The following PLEKHH1 variants were observed in gnomAD, a reference collection of about 807,000 sequenced individuals.
The protein encoded by PLEKHH1 is pleckstrin homology, MyTH4 and FERM domain containing H1.
In PLEKHH1, 104 loss-of-function variants were observed where a neutral mutation model predicts 160.0. That is an observed-to-expected ratio of 0.65 (90% confidence interval 0.55 to 0.76). PLEKHH1 has a LOEUF of 0.76. PLEKHH1 is among the 30% of genes least tolerant of loss of function. PLEKHH1 has a pLI of 0.00. For missense variants in PLEKHH1, 1,427 were observed against 1,724.1 expected (o/e 0.83, Z 3.05); for synonymous variants, 619 against 678.4 (o/e 0.91, Z 1.36).
intron 2 of PLEKHH1, among the ~76,000 whole-genome samples, chr14:67,548,391 G>A (rs2034261415): frequency 6.6e-6 from 1 of 152,118 alleles, no homozygotes. Flanking sequence ...AAAGGGCTTT[G>A]AGGGTATTAA....
At position 67,576,441 on chromosome 14, in the gene PLEKHH1, C is replaced by T; in HGVS notation, c.2399C>T (p.Ala800Val). Residue 800 changes from alanine to valine, a missense_variant, in exon 17 of 29, where the codon GCC (alanine) becomes GTC (valine). Ala to Val is a moderately conservative substitution (Grantham distance 64). Transcript: ENST00000329153. This position sits in a 1 kb window ranked among gnomAD's most constrained non-coding sequence, Gnocchi z 4.0. ...HLTVAAGGSS[A>V]KVGTAYEQLI... ...ACAGTGGCTGCAGGTGGCAGCAGTG[C>T]CAAGGTGGGCACTGCCTATGAGCAG... 1 of 1,611,194 alleles carries T rather than the reference C, an allele frequency of 6.2e-7. No individual in the cohort carries two copies. Among genetic ancestry groups the T allele is most frequent in the Non-Finnish European group, 8.5e-7 (1 of 1,177,402 alleles).
In PLEKHH1 at chr14:67,577,526, A is replaced by T. The variant is rs901663774; in HGVS notation, c.2574+112A>T. 5 of 705,636 alleles carry T rather than the reference A, an allele frequency of 7.1e-6. No individual in the cohort carries two copies. In the African/African-American group the frequency reaches 8.8e-5, roughly 12 times the overall value. The allele number at this position is 705,636 out of a possible 1,614,324, so 43.7% of individuals were successfully genotyped here. A position where few individuals can be genotyped will look rare whatever the true frequency, so the allele number is the denominator to read the frequency against. ...GAGGGATCTGGAGAGGAAGGGAAGG[A>T]AACTTCCCAGGGTCCCTATCACTTC... On this transcript the variant is annotated intron_variant, in intron 18 of 28. Transcript: ENST00000329153.
intron 23 of PLEKHH1, among the ~76,000 whole-genome samples, chr14:67,581,313 G>A (rs1424777016): frequency 2.0e-5 from 3 of 151,578 alleles, no homozygotes; most frequent in South Asian, 2.1e-4. Context: ...CATCTGCCAA[G>A]AAAACAGACC....
chr14:67,575,303 C>A, intron 14 of PLEKHH1, 89 bp from the exon 15 acceptor site: 1 of 744,802 alleles, frequency 1.3e-6, no homozygotes, highest in East Asian at 2.7e-5. Flanking sequence ...TAGGTCAAAT[C>A]TGTCTCCCTG....
At chr14:67,569,002 C>T in intron 7 of PLEKHH1, 136 bp from the exon 8 acceptor site, 1 of 601,690 alleles carries the variant, frequency 1.7e-6, no homozygotes, top group South Asian at 2.0e-5. Flanking sequence ...AAGTAACTTG[C>T]CCAAGATTTG....
intron 4 of PLEKHH1, 91 bp downstream of exon 4, chr14:67,557,509 T>C (rs2034643604): frequency 4.8e-6 from 6 of 1,244,890 alleles, no homozygotes; most frequent in Non-Finnish European, 6.8e-6. Flanking sequence ...TCAAGCCCTC[T>C]AGTGCTGGGG....
intron 1 of PLEKHH1, among the ~76,000 whole-genome samples, chr14:67,539,244 C>T (rs2033869136): frequency 6.6e-6 from 1 of 152,186 alleles, no homozygotes; most frequent in South Asian, 2.1e-4. Flanking sequence ...TTTGTCTTTT[C>T]AGCTGTGATC....
chr14:67,566,313 C>G (rs915020524), intron 7 of PLEKHH1, among the ~76,000 whole-genome samples: 4 of 152,094 alleles, frequency 2.6e-5, no homozygotes, highest in African/African-American at 9.7e-5. Flanking sequence ...GCTGCTGGCT[C>G]TCTTCTTGCT....
chr14:67,580,037 C>T (rs2035817726), intron 22 of PLEKHH1, 161 bp downstream of exon 22: 2 of 652,188 alleles, frequency 3.1e-6, no homozygotes, highest in Admixed American at 3.0e-5. Context: ...CTAAAATGTA[C>T]CTGGGCAGGG....
At chr14:67,543,290 T>C (rs1243666040) in intron 2 of PLEKHH1, among the ~76,000 whole-genome samples, 1 of 152,222 alleles carries the variant, frequency 6.6e-6, no homozygotes, top group Non-Finnish European at 1.5e-5. Flanking sequence ...GGCATCACCA[T>C]GGCTAAGGGG....
Position 67,575,479 on chromosome 14 carries a change from C to T in PLEKHH1, c.2169+7C>T, listed in dbSNP as rs761964680. On this transcript the variant is annotated splice_region_variant and intron_variant, in intron 15 of 28. Coordinates refer to ENST00000329153, the MANE Select transcript of PLEKHH1 (RefSeq NM_020715.3). ...TCGGAGCCATGAGGACAAGGTACTTCTCAGCCTCCTCACAATACCCACTCT... is the reference window on the plus strand; with the variant it reads ...TCGGAGCCATGAGGACAAGGTACTTTTCAGCCTCCTCACAATACCCACTCT... The T allele has an allele frequency of 3.2e-6, 5 of 1,556,666 alleles. No individual in the cohort carries two copies. In the East Asian group the frequency reaches 9.1e-5, roughly 28 times the overall value.
chr14:67,540,073 T>C (rs1441607602), intron 1 of PLEKHH1, among the ~76,000 whole-genome samples: 1 of 152,096 alleles, frequency 6.6e-6, no homozygotes, highest in Admixed American at 6.6e-5. Context: ...GCCATGTGGC[T>C]CCTGAGGAAG....
intron 7 of PLEKHH1, among the ~76,000 whole-genome samples, chr14:67,564,457 G>C (rs2034990234): frequency 6.6e-6 from 1 of 151,908 alleles, no homozygotes; most frequent in African/African-American, 2.4e-5. Context: ...GGGCACGTGA[G>C]ATCATTCTTT....
chr14:67,573,340 G>A lies in PLEKHH1; in HGVS notation c.1793G>A (p.Arg598His), dbSNP rs1163969484. ...AGCCAGGTGAAGACGTGGAAGAGGC[G>A]CTGGTTTGTCCTGAGACAGGGACAG... ...MGSQVKTWKR[R>H]WFVLRQGQIM... is the part of the protein sequence containing the mutation. Residue 598 changes from arginine to histidine, a missense_variant, in exon 12 of 29, where the codon CGC (arginine) becomes CAC (histidine). This residue lies in a region of PLEKHH1 where 831 missense variants were observed against 929.2 expected (regional missense o/e 0.89). Coordinates refer to ENST00000329153, the MANE Select transcript of PLEKHH1 (RefSeq NM_020715.3). The surrounding 1 kb of genome is among the most constrained non-coding windows in gnomAD (Gnocchi z 4.8). 9 of 1,613,640 alleles carry A rather than the reference G, an allele frequency of 5.6e-6. No individual in the cohort carries two copies. Among genetic ancestry groups the A allele is most frequent in the South Asian group, 2.2e-5 (2 of 91,072 alleles).
chr14:67,579,370 C>A (rs1382160046), intron 21 of PLEKHH1, 59 bp downstream of exon 21: 2 of 1,329,796 alleles, frequency 1.5e-6, no homozygotes, highest in African/African-American at 3.0e-5. Flanking sequence ...CCAGAGAATA[C>A]CCCTGGGCCT....
Position 67,574,265 on chromosome 14 carries a change from CT to C in PLEKHH1, c.1951del (p.Tyr651ThrfsTer2). 1 of 1,607,682 alleles carries C rather than the reference CT, an allele frequency of 6.2e-7. No homozygotes were observed. Among genetic ancestry groups the C allele is most frequent in the Non-Finnish European group, 8.5e-7 (1 of 1,176,982 alleles). Reference protein sequence around the residue: ...FQLISEKKTYYLTADSPSLLE... With the variant: ...FQLISEKKTYXLTADSPSLLE... ...AGCTCATCTCTGAGAAGAAAACCTA[CT>C]ACCTGACGGCCGATTCACCCAGCCT... On this transcript the variant is annotated frameshift_variant, in exon 14 of 29. Coordinates refer to ENST00000329153, the MANE Select transcript of PLEKHH1 (RefSeq NM_020715.3). LOFTEE classifies it high-confidence loss of function. The surrounding 1 kb of genome is among the most constrained non-coding windows in gnomAD (Gnocchi z 4.2).
Position 67,541,853 on chromosome 14 carries a change from G to A in PLEKHH1, c.-15G>A. 1 of 1,584,792 alleles carries A rather than the reference G, an allele frequency of 6.3e-7. No individual in the cohort carries two copies. Among genetic ancestry groups the A allele is most frequent in the Non-Finnish European group, 8.6e-7 (1 of 1,165,990 alleles). ...TCTTAGGGCTCCCCAGAATAATCCA[G>A]AAGTCGATTCCATCATGGCAGAACT... On this transcript the variant is annotated 5_prime_UTR_variant, in exon 2 of 29. Coordinates refer to ENST00000329153, the MANE Select transcript of PLEKHH1 (RefSeq NM_020715.3).
chr14:67,552,043 C>T lies in PLEKHH1; in HGVS notation c.127-3782C>T, dbSNP rs137952901. Among the ~76,000 whole-genome samples the T allele has an allele frequency of 7.7e-4, 117 of 152,272 alleles. No homozygotes were observed. In the Middle Eastern group the frequency reaches 0.01, roughly 13 times the overall value. Reference sequence around the variant, plus strand: ...GCTGGTATTTCACAGCATCTCACAGCGTGTGACAAGGAGCTGTACACTTGG... The same window carrying T: ...GCTGGTATTTCACAGCATCTCACAGTGTGTGACAAGGAGCTGTACACTTGG... On this transcript the variant is annotated intron_variant, in intron 2 of 28. Coordinates refer to ENST00000329153, the MANE Select transcript of PLEKHH1 (RefSeq NM_020715.3).
In PLEKHH1 at chr14:67,580,954, C is replaced by G; in HGVS notation, c.3200C>G (p.Ser1067Cys). The G allele has an allele frequency of 1.2e-6, 2 of 1,612,372 alleles. No homozygotes were observed. Among genetic ancestry groups the G allele is most frequent in the Non-Finnish European group, 1.7e-6 (2 of 1,178,436 alleles). The stretch of plus-strand genomic sequence containing the variant: ...CTTTTCAAGATCTGTGATGCCATCT[C>G]CAAGTGGGAACAAGCCATGAAGGAG... The part of the protein sequence containing the change: ...QGSVKICDAI[S>C]KWEQAMKELH... The change falls in exon 23 of 29, where the codon TCC becomes TGC. Residue 1067 changes from serine to cysteine, a missense_variant. Physicochemically the swap from Ser to Cys is moderately radical, Grantham distance 112 (BLOSUM62 -1). This residue lies in a region of PLEKHH1 where 436 missense variants were observed against 607.5 expected (regional missense o/e 0.72). Transcript: ENST00000329153.
Sources: allele counts gnomAD v4.1 joint callset (sites outside exome capture counted in the v4.1 genomes callset), GRCh38; gene constraint gnomAD v4.1.1; regional missense constraint gnomAD v4.1.1; non-coding constraint Gnocchi (gnomAD v3.1); transcripts MANE v1.5; gene names NCBI Gene and HGNC (gene_info 2026-07-23, HGNC 2026-07-21).